Variants in GPHN observed in about 807,000 individuals in gnomAD.
GPHN encodes gephyrin.
Under a neutral mutation model 95.5 loss-of-function variants are expected in GPHN, and 17 were observed. The observed-to-expected ratio is 0.18, with a 90% CI of 0.12 to 0.27. The LOEUF is 0.27. Among genes scored for constraint, GPHN ranks in the 10% least tolerant of loss-of-function variants. GPHN has a pLI of 1.00. For missense variants in GPHN, 660 were observed against 978.1 expected (o/e 0.67, Z 4.34); for synonymous variants, 320 against 322.5 (o/e 0.99, Z 0.08).
chr14:67,192,447 A>G, the GPHN span, among the ~76,000 whole-genome samples: 3 of 152,170 alleles, frequency 2.0e-5, no homozygotes, highest in South Asian at 4.2e-4. Flanking sequence ...TAATTATGAT[A>G]TCTTAGTAAG....
chr14:66,803,544 G>C (rs78869378), intron 3 of GPHN, among the ~76,000 whole-genome samples: 1 of 152,006 alleles, frequency 6.6e-6, no homozygotes, highest in Non-Finnish European at 1.5e-5. Context: ...CTTTTTATTC[G>C]TATCTTTCTT....
chr14:67,537,816 C>T, the GPHN span, among the ~76,000 whole-genome samples: 18 of 152,178 alleles, frequency 1.2e-4, no homozygotes, highest in African/African-American at 4.1e-4. Context: ...GCCACCTTCC[C>T]ACCCATCCTA....
chr14:67,580,065 T>C, the GPHN span: 1 of 580,996 alleles, frequency 1.7e-6, no homozygotes, highest in Non-Finnish European at 3.0e-6. Context: ...AGCTGTTGTG[T>C]GCCCTTGTCT....
At chr14:67,579,936 G>GA in the GPHN span, 19 of 1,484,214 alleles carry the variant, frequency 1.3e-5, no homozygotes, top group Admixed American at 2.0e-5. Context: ...TGGTGGTGGG[G>GA]AAAGAGCCCA....
chr14:67,083,887 G>A (rs531473883), intron 11 of GPHN, among the ~76,000 whole-genome samples: 18 of 152,240 alleles, frequency 1.2e-4, no homozygotes, highest in East Asian at 1.9e-4. Flanking sequence ...CTCTTTGATC[G>A]AAGCTGGTTG....
At chr14:67,156,518 T>A (rs2081595035) in intron 18 of GPHN, among the ~76,000 whole-genome samples, 1 of 151,876 alleles carries the variant, frequency 6.6e-6, no homozygotes, top group African/African-American at 2.4e-5. Flanking sequence ...ATTACTAACA[T>A]AATAATATAA....
At chr14:67,526,912 A>G in the GPHN span, among the ~76,000 whole-genome samples, 1 of 152,310 alleles carries the variant, frequency 6.6e-6, no homozygotes, top group South Asian at 2.1e-4. Context: ...GCCCTGACAC[A>G]CCATCGAAAA....
At chr14:66,605,656 A>C (rs1460517736) in intron 1 of GPHN, among the ~76,000 whole-genome samples, 4 of 150,142 alleles carry the variant, frequency 2.7e-5, no homozygotes, top group Non-Finnish European at 5.9e-5. Context: ...CAGCCTCCCG[A>C]GTAGCTGGGA....
At chr14:67,029,638 T>G (rs1009330475) in intron 10 of GPHN, among the ~76,000 whole-genome samples, 20 of 152,168 alleles carry the variant, frequency 1.3e-4, no homozygotes, top group Non-Finnish European at 2.5e-4. Context: ...CGCCCAGCCT[T>G]ATCATTATTC....
chr14:66,891,760 A>AT (rs1449881896), intron 5 of GPHN, among the ~76,000 whole-genome samples: 8 of 150,582 alleles, frequency 5.3e-5, no homozygotes, highest in Non-Finnish European at 8.9e-5. Context: ...CTATATATAT[A>AT]TATTTTTTTT....
At chr14:66,650,078 C>CT (rs1555370159) in intron 1 of GPHN, among the ~76,000 whole-genome samples, 1 of 148,768 alleles carries the variant, frequency 6.7e-6, no homozygotes, top group Non-Finnish European at 1.5e-5. Flanking sequence ...GCAGAAGACT[C>CT]TAAGACTGCC....
chr14:67,328,044 TGA>T, the GPHN span, among the ~76,000 whole-genome samples: 41 of 152,340 alleles, frequency 2.7e-4, no homozygotes, highest in Middle Eastern at 6.8e-3. Context: ...TCTAGATCCT[TGA>T]GGAATCACCA....
At chr14:66,868,450 A>G (rs567555876) in intron 4 of GPHN, among the ~76,000 whole-genome samples, 11 of 152,070 alleles carry the variant, frequency 7.2e-5, no homozygotes, top group South Asian at 2.1e-4. Flanking sequence ...CTGGAGTTCA[A>G]TGGCACGATT....
At chr14:66,690,312 C>T (rs1417963491) in intron 2 of GPHN, among the ~76,000 whole-genome samples, 1 of 151,860 alleles carries the variant, frequency 6.6e-6, no homozygotes, top group Non-Finnish European at 1.5e-5. Context: ...AGAACATGTT[C>T]TTCAATTTCC....
the GPHN span, among the ~76,000 whole-genome samples, chr14:67,537,829 C>A: frequency 6.6e-6 from 1 of 152,198 alleles, no homozygotes; most frequent in Non-Finnish European, 1.5e-5. Context: ...CCATCCTACT[C>A]CCAGCCCCTG....
the GPHN span, among the ~76,000 whole-genome samples, chr14:67,283,574 AT>A: frequency 2.0e-5 from 3 of 152,206 alleles, no homozygotes; most frequent in African/African-American, 7.2e-5. Context: ...TTCCAAATAA[AT>A]GTTATTAGCC....
intron 17 of GPHN, among the ~76,000 whole-genome samples, chr14:67,142,396 A>T (rs1467929628): frequency 6.6e-6 from 1 of 152,156 alleles, no homozygotes; most frequent in South Asian, 2.1e-4. Flanking sequence ...TTCTCACTTG[A>T]TCAGTCTCAA....
chr14:67,223,029 T>C, the GPHN span, among the ~76,000 whole-genome samples: 1 of 141,912 alleles, frequency 7.0e-6, no homozygotes, highest in South Asian at 2.3e-4. Context: ...AGATGGGGTC[T>C]CCCTCTTTCG....
chr14:66,895,382 A>T (rs1344568923), intron 5 of GPHN, among the ~76,000 whole-genome samples: 12 of 152,132 alleles, frequency 7.9e-5, no homozygotes, highest in Admixed American at 7.9e-4. Flanking sequence ...CGGGGAGGGA[A>T]AGCATTAGGA....
Sources: gnomAD v4.1 joint callset for allele counts (sites outside exome capture counted in the v4.1 genomes callset) on GRCh38, gnomAD v4.1.1 for gene constraint, MANE v1.5 for transcripts, NCBI Gene and HGNC (gene_info 2026-07-23, HGNC 2026-07-21) for gene names.